HDAC9: variants seen among roughly 807,000 people sequenced by gnomAD.
The protein encoded by HDAC9 is histone deacetylase 9.
A neutral mutation model predicts 139.4 loss-of-function variants in HDAC9; 41 were observed. The observed-to-expected ratio is 0.29, with a 90% CI of 0.23 to 0.38. HDAC9 has a LOEUF of 0.38. Among genes scored for constraint, HDAC9 ranks in the 10% least tolerant of loss-of-function variants. The pLI is 1.00. For missense variants in HDAC9, 1,147 were observed against 1,297.0 expected, an observed-to-expected ratio of 0.88 and a Z score of 1.78; for synonymous variants, 517 against 476.2, an observed-to-expected ratio of 1.09 and a Z score of -1.12.
chr7:18,790,417 A>C (rs1475506027), intron 16 of HDAC9, among the ~76,000 whole-genome samples: 1 of 48,412 alleles, frequency 2.1e-5, no homozygotes, highest in Non-Finnish European at 5.3e-5. Context: ...GCATGTGAGG[A>C]TGTAGCAGAT....
chr7:18,299,413 A>AT (rs773683538), intron 1 of HDAC9, among the ~76,000 whole-genome samples: 7 of 152,056 alleles, frequency 4.6e-5, no homozygotes, highest in African/African-American at 1.7e-4. Flanking sequence ...TTCAAGATAT[A>AT]TTTTTTTTCC....
At chr7:18,946,526 A>G (rs925752531) in intron 23 of HDAC9, among the ~76,000 whole-genome samples, 1 of 152,168 alleles carries the variant, frequency 6.6e-6, no homozygotes, top group Non-Finnish European at 1.5e-5. Context: ...AATATCAGAT[A>G]AAAATGGACT....
intron 1 of HDAC9, among the ~76,000 whole-genome samples, chr7:18,390,099 G>A (rs1029293072): frequency 2.2e-5 from 2 of 91,544 alleles, no homozygotes; most frequent in African/African-American, 6.4e-5. Context: ...CACACACGTC[G>A]TAGAGAAGGG....
chr7:18,940,865 T>C (rs966820230), intron 23 of HDAC9, among the ~76,000 whole-genome samples: 1 of 152,002 alleles, frequency 6.6e-6, no homozygotes, highest in Non-Finnish European at 1.5e-5. Flanking sequence ...AACAAAAACA[T>C]TGAAAAACTT....
chr7:18,732,158 C>T (rs1025474573), intron 13 of HDAC9, among the ~76,000 whole-genome samples: 3 of 152,020 alleles, frequency 2.0e-5, no homozygotes, highest in African/African-American at 4.8e-5. Flanking sequence ...CTGAGCTGGG[C>T]CTGAGATAAC....
chr7:18,162,854 G>C (rs558449644), intron 2 of HDAC9, among the ~76,000 whole-genome samples: 27 of 152,218 alleles, frequency 1.8e-4, no homozygotes, highest in African/African-American at 6.5e-4. Flanking sequence ...CTCAGCACCT[G>C]CTTCCTCCTA....
At chr7:18,221,543 A>G (rs765674548) in intron 2 of HDAC9, among the ~76,000 whole-genome samples, 3 of 152,152 alleles carry the variant, frequency 2.0e-5, no homozygotes, top group Non-Finnish European at 2.9e-5. Flanking sequence ...TATAAAGCAG[A>G]TGATGTTATT....
At position 18,689,878 on chromosome 7, in the gene HDAC9, TAAGAA is replaced by T. The variant is rs139368927; in HGVS notation, c.1731+23409_1731+23413del. 7.2e-3 allele frequency among the ~76,000 whole-genome samples: 1,102 copies of T among 152,134 alleles called. 5 individuals are homozygous for T. The highest frequency in any genetic ancestry group is 0.027 in the Middle Eastern group (8 of 294). Reference sequence around the variant, plus strand: ...ATAATCCAAATTGTCCAAATTTTATTAAGAAAAGAAATCACATTCTTGCATATATC... The same window carrying T: ...ATAATCCAAATTGTCCAAATTTTATTAAGAAATCACATTCTTGCATATATC... On this transcript the variant is annotated intron_variant, in intron 12 of 25. Coordinates refer to ENST00000686413, the MANE Select transcript of HDAC9 (RefSeq NM_178425.4).
chr7:18,614,610 C>T (rs1397381121), intron 6 of HDAC9, among the ~76,000 whole-genome samples: 1 of 152,048 alleles, frequency 6.6e-6, no homozygotes, highest in African/African-American at 2.4e-5. Flanking sequence ...ATGCTTAGTA[C>T]TTGTTAAGAA....
chr7:18,962,724 C>T (rs1783605770), intron 24 of HDAC9, among the ~76,000 whole-genome samples: 1 of 152,172 alleles, frequency 6.6e-6, no homozygotes, highest in Non-Finnish European at 1.5e-5. Flanking sequence ...TGATACCATT[C>T]ACTGAGACTA....
At chr7:18,603,307 T>C (rs1834489749) in intron 6 of HDAC9, among the ~76,000 whole-genome samples, 1 of 152,126 alleles carries the variant, frequency 6.6e-6, no homozygotes, top group Admixed American at 6.5e-5. Context: ...ATCATTAATA[T>C]AATTAGATTA....
In HDAC9 at chr7:18,594,038, G is replaced by A. The variant is rs780157976; in HGVS notation, c.664+9G>A. 7 of 1,611,850 alleles carry A rather than the reference G, an allele frequency of 4.3e-6. No individual in the cohort carries two copies. The South Asian group carries it at 6.6e-5, about 15-fold the overall frequency. Reference sequence around the variant, plus strand: ...CCCCCTTCGAAAAACTGGTAAGTTGGTTTAACAGGAACTCTGTTTGCTCTT... The same window carrying A: ...CCCCCTTCGAAAAACTGGTAAGTTGATTTAACAGGAACTCTGTTTGCTCTT... On this transcript the variant is annotated intron_variant, in intron 6 of 25. Coordinates refer to ENST00000686413, the MANE Select transcript of HDAC9 (RefSeq NM_178425.4).
chr7:18,739,447 G>C (rs1787237770), intron 13 of HDAC9, among the ~76,000 whole-genome samples: 1 of 152,188 alleles, frequency 6.6e-6, no homozygotes, highest in African/African-American at 2.4e-5. Context: ...TGGGGTTTTG[G>C]TGTAGATGTC....
chr7:18,669,176 A>C (rs1013548893), intron 12 of HDAC9, among the ~76,000 whole-genome samples: 1 of 151,784 alleles, frequency 6.6e-6, no homozygotes, highest in Admixed American at 6.6e-5. Context: ...ATCTAAATAG[A>C]TGTCAGTTCC....
intron 1 of HDAC9, among the ~76,000 whole-genome samples, chr7:18,099,138 A>G (rs1782691913): frequency 6.6e-6 from 1 of 152,172 alleles, no homozygotes; most frequent in African/African-American, 2.4e-5. Context: ...TAAATTTAGT[A>G]TTATAATGAA....
chr7:18,926,660 T>G (rs1804257398), intron 22 of HDAC9, among the ~76,000 whole-genome samples: 1 of 152,166 alleles, frequency 6.6e-6, no homozygotes, highest in Admixed American at 6.6e-5. Flanking sequence ...ATGGATGGAT[T>G]GATGGATAAC....
chr7:18,912,523 G>C (rs1802832316), intron 22 of HDAC9, among the ~76,000 whole-genome samples: 1 of 152,032 alleles, frequency 6.6e-6, no homozygotes, highest in Non-Finnish European at 1.5e-5. Flanking sequence ...AAATGGAGGT[G>C]ATTTTGCTTT....
At chr7:18,130,599 C>A (rs1784940038) in intron 1 of HDAC9, among the ~76,000 whole-genome samples, 1 of 152,268 alleles carries the variant, frequency 6.6e-6, no homozygotes, top group South Asian at 2.1e-4. Context: ...GTGCACCCAT[C>A]ACTACAATCA....
intron 22 of HDAC9, among the ~76,000 whole-genome samples, chr7:18,925,930 A>T (rs1000465553): frequency 1.9e-5 from 2 of 103,934 alleles, no homozygotes; most frequent in Non-Finnish European, 4.7e-5. Context: ...TCCTCAAAAA[A>T]TTGCTCTCTG....
Sources: gnomAD v4.1 joint callset for allele counts (sites outside exome capture counted in the v4.1 genomes callset) on GRCh38, gnomAD v4.1.1 for gene constraint, MANE v1.5 for transcripts, NCBI Gene and HGNC (gene_info 2026-07-23, HGNC 2026-07-21) for gene names.